FBXO48: variants seen among roughly 807,000 people sequenced by gnomAD.
The protein encoded by FBXO48 is F-box only protein 48.
In FBXO48, 12 loss-of-function variants were observed where a neutral mutation model predicts 14.3. The observed-to-expected ratio is 0.84, with a 90% CI of 0.54 to 1.36. The LOEUF (loss-of-function observed/expected upper bound fraction) is 1.36. FBXO48 is among the 40% of genes most tolerant of loss of function. FBXO48 has a pLI of 0.00. For missense variants in FBXO48, 177 were observed against 179.1 expected (o/e 0.99, Z 0.07); for synonymous variants, 53 against 61.7 (o/e 0.86, Z 0.66).
rs1675246715 is a variant in FBXO48 at position 68,460,965 on chromosome 2, A to C, written c.*3244T>G. The C allele has an allele frequency of 6.6e-6, 1 of 152,252 alleles. No homozygotes were observed. Among genetic ancestry groups the C allele is most frequent in the Non-Finnish European group, 1.5e-5 (1 of 68,050 alleles). 9.4% of individuals were successfully genotyped at this position (152,252 alleles called of 1,614,324 possible). ...ATCCAGTGGATTTAGACATTAAGTC[A>C]CTTGTAATTTGGATACCAACAGTTT... On this transcript the variant is annotated 3_prime_UTR_variant, in exon 4 of 4. Coordinates refer to ENST00000377957, the MANE Select transcript of FBXO48 (RefSeq NM_001024680.3).
Position 68,460,925 on chromosome 2 carries a change from TAACAAGTAGAA to T in FBXO48, c.*3273_*3283del, listed in dbSNP as rs1184658786. 6.6e-6 allele frequency: 1 copy of T among 152,204 alleles called. No homozygotes were observed. The highest frequency in any genetic ancestry group is 1.5e-5 in the Non-Finnish European group (1 of 68,036). The allele number at this position is 152,204 out of a possible 1,614,324, so 9.4% of individuals were successfully genotyped here. On this transcript the variant is annotated 3_prime_UTR_variant, in exon 4 of 4. Coordinates refer to ENST00000377957, the MANE Select transcript of FBXO48 (RefSeq NM_001024680.3). ...GAGTGTTTATGTGTGTCAAATATAT[TAACAAGTAGAA>T]TGCATCCAGTGGATTTAGACATTAA...
rs1462341140 is a variant in FBXO48, at chr2:68,467,274, C to G, written c.-424G>C. Reference sequence around the variant, plus strand: ...CCGGAATTCGAATCCTTCCCCATAGCTCTTCGCATCCCGCCCACCTGAGTC... The same window carrying G: ...CCGGAATTCGAATCCTTCCCCATAGGTCTTCGCATCCCGCCCACCTGAGTC... On this transcript the variant is annotated 5_prime_UTR_variant, in exon 1 of 4. Coordinates refer to ENST00000377957, the MANE Select transcript of FBXO48 (RefSeq NM_001024680.3). 1.3e-5 allele frequency: 2 copies of G among 154,998 alleles called. No homozygotes were observed. The highest frequency in any genetic ancestry group is 4.8e-5 in the African/African-American group (2 of 41,590). 9.6% of individuals were successfully genotyped at this position (154,998 alleles called of 1,614,324 possible).
rs1237694448 is a variant in FBXO48 at position 68,461,335 on chromosome 2, G to C, written c.*2874C>G. Reference sequence around the variant, plus strand: ...GACGGAGTCTCGCTCTGTCGCCCAGGCCGGACTGCGGACTGCAGTGGCGCA... The same window carrying C: ...GACGGAGTCTCGCTCTGTCGCCCAGCCCGGACTGCGGACTGCAGTGGCGCA... On this transcript the variant is annotated 3_prime_UTR_variant, in exon 4 of 4. Transcript: ENST00000377957. 7.1e-6 allele frequency: 1 copy of C among 141,352 alleles called. No individual in the cohort carries two copies. The highest frequency in any genetic ancestry group is 2.0e-4 in the East Asian group (1 of 5,000). 8.8% of individuals were successfully genotyped at this position (141,352 alleles called of 1,614,324 possible).
chr2:68,464,927 G>A lies in FBXO48; in HGVS notation c.219C>T (p.Asp73=), dbSNP rs764980463. 5.6e-6 allele frequency: 9 copies of A among 1,613,754 alleles called. No homozygotes were observed. The Admixed American group carries it at 1.3e-4, about 24-fold the overall frequency. Residue 73 remains aspartate, a synonymous_variant, in exon 3 of 4, where the codon GAC becomes GAT. Transcript: ENST00000377957. The part of the protein sequence containing the change: ...RSWNDTIRNS[D]SLWKPHCMTV... ...TCATGCAGTGAGGTTTCCATAAAGA[G>A]TCACTGTTTCTTATTGTGTCATTCC...
In FBXO48 at chr2:68,460,761, T is replaced by C. The variant is rs1440462058; in HGVS notation, c.*3448A>G. Reference sequence around the variant, plus strand: ...GTGGAACTTTGGGGGAACACTAACATGTAATGAGTAGGTGAAGGAAAGCGA... The same window carrying C: ...GTGGAACTTTGGGGGAACACTAACACGTAATGAGTAGGTGAAGGAAAGCGA... On this transcript the variant is annotated 3_prime_UTR_variant, in exon 4 of 4. Coordinates refer to ENST00000377957, the MANE Select transcript of FBXO48 (RefSeq NM_001024680.3). 1 of 152,058 alleles carries C rather than the reference T, an allele frequency of 6.6e-6. No homozygotes were observed. Among genetic ancestry groups the C allele is most frequent in the Non-Finnish European group, 1.5e-5 (1 of 68,020 alleles). The allele number at this position is 152,058 out of a possible 1,614,324, so 9.4% of individuals were successfully genotyped here.
At position 68,463,976 on chromosome 2, in the gene FBXO48, T is replaced by C. The variant is rs1675330130; in HGVS notation, c.*233A>G. The C allele has an allele frequency of 7.2e-6, 3 of 416,810 alleles. No individual in the cohort carries two copies. The highest frequency in any genetic ancestry group is 1.3e-5 in the Non-Finnish European group (3 of 228,690). The allele number at this position is 416,810 out of a possible 1,614,324, so 25.8% of individuals were successfully genotyped here. On this transcript the variant is annotated 3_prime_UTR_variant, in exon 4 of 4. Coordinates refer to ENST00000377957, the MANE Select transcript of FBXO48 (RefSeq NM_001024680.3). The stretch of plus-strand genomic sequence containing the variant: ...GTATTTGGAAATCACTCTATCAGTA[T>C]ATTATTTCTTATAAAAATAACATTT...
At position 68,464,369 on chromosome 2, in the gene FBXO48, A is replaced by G; in HGVS notation, c.308T>C (p.Val103Ala). ...CTTCTGGTAATTCCTCAGCAGTATC[A>G]CCTGAAAGAGGTAAATCACCGTTAA... ...DDLESGYSWR[V>A]ILLRNYQKSK... is the part of the protein sequence containing the mutation. The change falls in exon 4 of 4, where the codon GTG becomes GCG. Residue 103 changes from valine to alanine, a missense_variant and splice_region_variant. Coordinates refer to ENST00000377957, the MANE Select transcript of FBXO48 (RefSeq NM_001024680.3). The G allele has an allele frequency of 6.2e-7, 1 of 1,613,472 alleles. No individual in the cohort carries two copies. The highest frequency in any genetic ancestry group is 8.5e-7 in the Non-Finnish European group (1 of 1,179,780).
chr2:68,463,947 C>G lies in FBXO48; in HGVS notation c.*262G>C. 3.3e-6 allele frequency: 1 copy of G among 303,450 alleles called. No individual in the cohort carries two copies. 18.8% of individuals were successfully genotyped at this position (303,450 alleles called of 1,614,324 possible). On this transcript the variant is annotated 3_prime_UTR_variant, in exon 4 of 4. Coordinates refer to ENST00000377957, the MANE Select transcript of FBXO48 (RefSeq NM_001024680.3). ...AATATATTAACACAAATACATGAAA[C>G]ATTGTATTTGGAAATCACTCTATCA...
rs924636377 is a variant in FBXO48 at position 68,461,287 on chromosome 2, C to CTTTTTTTTTTTTTTT, written c.*2907_*2921dup. ...CTTACTTAAGATCCGTTTTCGTTTT[C>CTTTTTTTTTTTTTTT]TTTTTTTTTTTTTTTTTTTTGAGAC... On this transcript the variant is annotated 3_prime_UTR_variant, in exon 4 of 4. Transcript: ENST00000377957. The CTTTTTTTTTTTTTTT allele has an allele frequency of 4.2e-5, 5 of 119,626 alleles. No homozygotes were observed. Among genetic ancestry groups the CTTTTTTTTTTTTTTT allele is most frequent in the African/African-American group, 1.9e-4 (5 of 26,598 alleles). 7.4% of individuals were successfully genotyped at this position (119,626 alleles called of 1,614,324 possible).
At position 68,462,985 on chromosome 2, in the gene FBXO48, A is replaced by G. The variant is rs1320605916; in HGVS notation, c.*1224T>C. The G allele has an allele frequency of 6.6e-6, 1 of 152,214 alleles. No homozygotes were observed. The highest frequency in any genetic ancestry group is 1.5e-5 in the Non-Finnish European group (1 of 68,042). The allele number at this position is 152,214 out of a possible 1,614,324, so 9.4% of individuals were successfully genotyped here. ...TGACTGACAGTGTTCCTATTGAGAA[A>G]ATTACTGAATAGTCCTGGACACTTG... On this transcript the variant is annotated 3_prime_UTR_variant, in exon 4 of 4. Transcript: ENST00000377957.
At chr2:68,465,501 T>A (rs1573127556) in intron 2 of FBXO48, among the ~76,000 whole-genome samples, 1 of 141,572 alleles carries the variant, frequency 7.1e-6, no homozygotes, top group Non-Finnish European at 1.5e-5. Context: ...TTCTCTTGAC[T>A]CAGCGTACCC....
intron 1 of FBXO48, among the ~76,000 whole-genome samples, chr2:68,466,717 G>A (rs1347161272): frequency 6.6e-6 from 1 of 152,074 alleles, no homozygotes; most frequent in Admixed American, 6.6e-5. Context: ...TCCTGTAACG[G>A]GAATGAAGGC....
At chr2:68,467,156 G>T (rs2103859690) in intron 1 of FBXO48, 55 bp downstream of exon 1, 1 of 152,402 alleles carries the variant, frequency 6.6e-6, no homozygotes, top group East Asian at 1.9e-4. Flanking sequence ...TCCAGGCCGC[G>T]TCCCCGGGAG....
chr2:68,464,938 T>C lies in FBXO48; in HGVS notation c.208A>G (p.Arg70Gly). The change falls in exon 3 of 4, where the codon AGA becomes GGA. Residue 70 changes from arginine to glycine, a missense_variant. By Grantham distance (125) the Arg-to-Gly change is moderately radical. Coordinates refer to ENST00000377957, the MANE Select transcript of FBXO48 (RefSeq NM_001024680.3). ...GGTTTCCATAAAGAGTCACTGTTTC[T>C]TATTGTGTCATTCCAGCTCCTGCAT... ...LTCRSWNDTI[R>G]NSDSLWKPHC... 2 of 1,614,044 alleles carry C rather than the reference T, an allele frequency of 1.2e-6. No individual in the cohort carries two copies. Among genetic ancestry groups the C allele is most frequent in the Non-Finnish European group, 1.7e-6 (2 of 1,180,008 alleles).
At chr2:68,466,691 C>T (rs917571043) in intron 1 of FBXO48, among the ~76,000 whole-genome samples, 4 of 152,132 alleles carry the variant, frequency 2.6e-5, no homozygotes, top group African/African-American at 7.2e-5. Context: ...GAATAAAATG[C>T]GTCCCCTTGT....
intron 2 of FBXO48, among the ~76,000 whole-genome samples, chr2:68,465,809 C>T (rs1675394055): frequency 6.6e-6 from 1 of 152,188 alleles, no homozygotes; most frequent in South Asian, 2.1e-4. Flanking sequence ...CATAAACTTG[C>T]TGGACTTCTA....
rs370342467 is a variant in FBXO48, at chr2:68,464,390, G to T, written c.307-20C>A. 2 of 1,610,748 alleles carry T rather than the reference G, an allele frequency of 1.2e-6. No individual in the cohort carries two copies. The highest frequency in any genetic ancestry group is 1.7e-6 in the Non-Finnish European group (2 of 1,178,168). ...TATCACCTGAAAGAGGTAAATCACC[G>T]TTAAAAAAGACTGTAGTAGGTGGTT... is the stretch of plus-strand genomic sequence containing the variant. On this transcript the variant is annotated intron_variant, in intron 3 of 3. Coordinates refer to ENST00000377957, the MANE Select transcript of FBXO48 (RefSeq NM_001024680.3).
In FBXO48 at chr2:68,463,032, C is replaced by T. The variant is rs1254820424; in HGVS notation, c.*1177G>A. The T allele has an allele frequency of 6.6e-6, 1 of 152,228 alleles. No individual in the cohort carries two copies. Among genetic ancestry groups the T allele is most frequent in the Non-Finnish European group, 1.5e-5 (1 of 68,046 alleles). The allele number at this position is 152,228 out of a possible 1,614,324, so 9.4% of individuals were successfully genotyped here. On this transcript the variant is annotated 3_prime_UTR_variant, in exon 4 of 4. Transcript: ENST00000377957. ...CTTGACTGCCTGATTTTCAAGGACT[C>T]TTCCAACTCTAAGAAGATAGTAGGA...
In FBXO48 at chr2:68,462,120, G is replaced by A. The variant is rs531479217; in HGVS notation, c.*2089C>T. The A allele has an allele frequency of 8.5e-5, 13 of 152,196 alleles. No homozygotes were observed. The highest frequency in any genetic ancestry group is 2.9e-4 in the African/African-American group (12 of 41,512). 9.4% of individuals were successfully genotyped at this position (152,196 alleles called of 1,614,324 possible). On this transcript the variant is annotated 3_prime_UTR_variant, in exon 4 of 4. Transcript: ENST00000377957. ...ACACACTTGGTTGGAAGTGAGAAGG[G>A]TGAGTCTCCCTAATTAGGATAACTT...
Sources: allele counts gnomAD v4.1 joint callset (sites outside exome capture counted in the v4.1 genomes callset), GRCh38; gene constraint gnomAD v4.1.1; transcripts MANE v1.5; gene names NCBI Gene and HGNC (gene_info 2026-07-23, HGNC 2026-07-21).